Variants in NLGN4X observed in about 807,000 individuals in gnomAD.
NLGN4X encodes neuroligin-4, X-linked.
A neutral mutation model predicts 40.3 loss-of-function variants in NLGN4X; 3 were observed. The ratio of observed to expected loss-of-function variants is 0.07; its 90% CI spans 0.03 to 0.19. The LOEUF (loss-of-function observed/expected upper bound fraction) is 0.19. NLGN4X is among the 10% of genes least tolerant of loss of function. The pLI is 1.00. For missense variants in NLGN4X, 382 were observed against 708.3 expected (o/e 0.54, Z 5.23); for synonymous variants, 270 against 306.8 (o/e 0.88, Z 1.25).
intron 1 of NLGN4X, among the ~76,000 whole-genome samples, chrX:6,180,820 T>A (rs762428016): frequency 1.8e-5 from 2 of 110,949 alleles, no homozygotes; most frequent in South Asian, 3.9e-4. Context: ...TTTTTTTTTT[T>A]ATGTTAACTT....
rs1487217607 is a variant in NLGN4X at position 5,890,593 on chromosome X, T to A, written c.*2224A>T. ...CTTTGTAGTTTCACAGAGAGCCTAT[T>A]TGTGGTTGCTCAGGTGGGGTCATAC... On this transcript the variant is annotated 3_prime_UTR_variant, in exon 6 of 6. Coordinates refer to ENST00000381095, the MANE Select transcript of NLGN4X (RefSeq NM_181332.3). The A allele has an allele frequency of 1.8e-5, 6 of 326,626 alleles. No individual in the cohort carries two copies. Among genetic ancestry groups the A allele is most frequent in the Non-Finnish European group, 3.0e-5 (5 of 169,404 alleles). 26.9% of individuals were successfully genotyped at this position (326,626 alleles called of 1,213,427 possible).
chrX:5,990,411 G>A (rs1252728797), intron 3 of NLGN4X, among the ~76,000 whole-genome samples: 3 of 110,630 alleles, frequency 2.7e-5, no homozygotes, highest in Non-Finnish European at 5.7e-5. Flanking sequence ...AGACACCCTG[G>A]GCGGGAGGCT....
intron 2 of NLGN4X, among the ~76,000 whole-genome samples, chrX:6,043,419 T>C (rs1489438111): frequency 9.0e-6 from 1 of 111,633 alleles, no homozygotes; most frequent in African/African-American, 3.3e-5. Context: ...ACACATATTA[T>C]ACATACATAT....
rs1569271365 is a variant in NLGN4X, at chrX:6,156,934, A to C, written c.-305-5163T>G. ...GTAAAAAAAAATGTTATTGGTATACACACAAAAAAAATTTACCATTTTGAA... is the reference window on the plus strand; with the variant it reads ...GTAAAAAAAAATGTTATTGGTATACCCACAAAAAAAATTTACCATTTTGAA... On this transcript the variant is annotated intron_variant, in intron 1 of 5. Coordinates refer to ENST00000381095, the MANE Select transcript of NLGN4X (RefSeq NM_181332.3). Among the ~76,000 whole-genome samples, 4 of 111,572 alleles carry C rather than the reference A, an allele frequency of 3.6e-5. No individual in the cohort carries two copies. The East Asian group carries it at 1.1e-3, about 31-fold the overall frequency.
chrX:6,136,417 G>C (rs1192576361), intron 2 of NLGN4X, among the ~76,000 whole-genome samples: 1 of 111,820 alleles, frequency 8.9e-6, no homozygotes, highest in Admixed American at 9.5e-5. Context: ...CCTGAGCTGG[G>C]GTCTCATTTT....
At chrX:6,016,503 T>C (rs985169539) in intron 3 of NLGN4X, among the ~76,000 whole-genome samples, 3 of 112,287 alleles carry the variant, frequency 2.7e-5, no homozygotes, top group African/African-American at 9.7e-5. Context: ...GTTAAAACTT[T>C]TGTGCATTGA....
At chrX:6,069,166 T>C (rs2037997705) in intron 2 of NLGN4X, among the ~76,000 whole-genome samples, 1 of 109,678 alleles carries the variant, frequency 9.1e-6, no homozygotes, top group African/African-American at 3.3e-5. Context: ...CAGGTGCCTG[T>C]AGTCCCAGCT....
chrX:6,215,980 C>T (rs747722425), intron 1 of NLGN4X, among the ~76,000 whole-genome samples: 1 of 109,407 alleles, frequency 9.1e-6, no homozygotes, highest in South Asian at 4.0e-4. Context: ...GAGTTCAAGC[C>T]ATTCTCCTGC....
At chrX:6,095,717 T>C (rs1921943) in intron 2 of NLGN4X, among the ~76,000 whole-genome samples, 22,027 of 111,188 alleles carry the variant, frequency 0.2, 1,870 homozygotes, top group South Asian at 0.26. Context: ...CTGCAGGTAG[T>C]TTTGGTTGTC....
At chrX:6,203,010 A>T (rs1445521038) in intron 1 of NLGN4X, among the ~76,000 whole-genome samples, 1 of 112,606 alleles carries the variant, frequency 8.9e-6, no homozygotes, top group East Asian at 2.8e-4. Context: ...ACCACAGTTG[A>T]ATCTATAACT....
intron 2 of NLGN4X, among the ~76,000 whole-genome samples, chrX:6,144,003 G>A (rs2039999558): frequency 8.9e-6 from 1 of 112,069 alleles, no homozygotes; most frequent in African/African-American, 3.2e-5. Flanking sequence ...CAGACACTCA[G>A]GAGGCTGAAG....
chrX:6,197,634 T>G (rs1018321469), intron 1 of NLGN4X, among the ~76,000 whole-genome samples: 2 of 110,841 alleles, frequency 1.8e-5, no homozygotes, highest in Admixed American at 1.9e-4. Context: ...TTCATATCAT[T>G]TGTAATAATT....
At position 6,173,144 on chromosome X, in the gene NLGN4X, T is replaced by G. The variant is rs914438145; in HGVS notation, c.-305-21373A>C. 2.7e-5 allele frequency among the ~76,000 whole-genome samples: 3 copies of G among 112,251 alleles called. No individual in the cohort carries two copies. The Admixed American group carries it at 2.8e-4, about 11-fold the overall frequency. On this transcript the variant is annotated intron_variant, in intron 1 of 5. Transcript: ENST00000381095. ...GAGTTAACTTCCTCCAAAATAAATT[T>G]CATCTGCTCCCTGTGGAGAGGAGGG...
chrX:6,092,583 A>G (rs899305430), intron 2 of NLGN4X, among the ~76,000 whole-genome samples: 2 of 112,563 alleles, frequency 1.8e-5, no homozygotes, highest in Non-Finnish European at 3.7e-5. Flanking sequence ...CACTAAGCCC[A>G]TGAACACTGA....
At chrX:6,194,775 T>C (rs1353921720) in intron 1 of NLGN4X, among the ~76,000 whole-genome samples, 1 of 111,887 alleles carries the variant, frequency 8.9e-6, no homozygotes, top group African/African-American at 3.2e-5. Context: ...ACATTCATCT[T>C]CACTGACCCT....
rs1167736430 is a variant in NLGN4X, at chrX:6,065,031, A to G, written c.473-35599T>C. Reference sequence around the variant, plus strand: ...GCAGAAACAGAAAAGCAAGTACTGCATATTCTCACTTACAAGTGGGATCTA... The same window carrying G: ...GCAGAAACAGAAAAGCAAGTACTGCGTATTCTCACTTACAAGTGGGATCTA... On this transcript the variant is annotated intron_variant, in intron 2 of 5. Coordinates refer to ENST00000381095, the MANE Select transcript of NLGN4X (RefSeq NM_181332.3). 2.3e-4 allele frequency among the ~76,000 whole-genome samples: 26 copies of G among 111,801 alleles called. No homozygotes were observed. In the Admixed American group the frequency reaches 2.5e-3, roughly 11 times the overall value.
intron 3 of NLGN4X, among the ~76,000 whole-genome samples, chrX:5,926,881 TTATC>T (rs780549128): frequency 1.6e-4 from 18 of 109,111 alleles, no homozygotes; most frequent in African/African-American, 2.3e-4. Flanking sequence ...ACAGATATTC[TTATC>T]TATCTATCTA....
chrX:5,997,808 G>A (rs929793150), intron 3 of NLGN4X, among the ~76,000 whole-genome samples: 9 of 109,788 alleles, frequency 8.2e-5, no homozygotes, highest in African/African-American at 3.0e-4. Context: ...CACAGCTCAC[G>A]AGGCTCTAAT....
chrX:5,972,205 G>A (rs1471145613), intron 3 of NLGN4X, among the ~76,000 whole-genome samples: 1 of 110,795 alleles, frequency 9.0e-6, no homozygotes, highest in African/African-American at 3.3e-5. Context: ...GTGTGTGCAT[G>A]TGTGTGGGTG....
Sources: gnomAD v4.1 joint callset for allele counts (sites outside exome capture counted in the v4.1 genomes callset) on GRCh38, gnomAD v4.1.1 for gene constraint, MANE v1.5 for transcripts, NCBI Gene and HGNC (gene_info 2026-07-23, HGNC 2026-07-21) for gene names.